Variants in PRKG1 observed in about 807,000 individuals in gnomAD.
PRKG1 encodes cGMP-dependent protein kinase 1.
PRKG1 carries 35 observed loss-of-function variants against 88.1 expected under a neutral mutation model. That is an observed-to-expected ratio of 0.40 (90% CI 0.30 to 0.53). PRKG1 has a LOEUF of 0.53. Among genes scored for constraint, PRKG1 ranks in the 20% least tolerant of loss-of-function variants. PRKG1 has a pLI of 0.59. For synonymous variants in PRKG1, 303 were observed against 292.5 expected, an observed-to-expected ratio of 1.04 and a Z score of -0.37; for missense variants, 540 against 839.8, an observed-to-expected ratio of 0.64 and a Z score of 4.41.
At chr10:51,991,302 A>T (rs1844300259) in intron 5 of PRKG1, among the ~76,000 whole-genome samples, 1 of 152,290 alleles carries the variant, frequency 6.6e-6, no homozygotes, top group Admixed American at 6.5e-5. Context: ...TAATTCCTCC[A>T]TTCCAATTTG....
rs541982644 is a variant in PRKG1, at chr10:52,208,124, GTCT to G, written c.1077-43444_1077-43442del. On this transcript the variant is annotated intron_variant, in intron 9 of 17. Transcript: ENST00000373980. ...TTGAAGCAATCTGTCTCCAGAATTT[GTCT>G]TTTTAACCCTAAGCACACTGTCTTG... 1.2e-4 allele frequency among the ~76,000 whole-genome samples: 18 copies of G among 152,262 alleles called. 1 individual carries two copies. The South Asian group carries it at 3.7e-3, about 32-fold the overall frequency.
intron 2 of PRKG1, among the ~76,000 whole-genome samples, chr10:51,180,828 T>C (rs766016040): frequency 1.4e-4 from 22 of 152,140 alleles, no homozygotes; most frequent in Admixed American, 1.2e-3. Flanking sequence ...AATGGAGAGA[T>C]TGGGGGAGAG....
chr10:51,628,028 TTC>T (rs1564579933), intron 3 of PRKG1, among the ~76,000 whole-genome samples: 3 of 138,800 alleles, frequency 2.2e-5, no homozygotes, highest in Non-Finnish European at 4.8e-5. Flanking sequence ...CTTTCTTTCT[TTC>T]TTTCTTTCCT....
At chr10:51,862,341 G>A (rs990694243) in intron 4 of PRKG1, among the ~76,000 whole-genome samples, 3 of 152,128 alleles carry the variant, frequency 2.0e-5, no homozygotes, top group Non-Finnish European at 4.4e-5. Context: ...GTGGGAGGGA[G>A]GGTTACAGTG....
chr10:51,346,946 G>C (rs1460971975), intron 2 of PRKG1, among the ~76,000 whole-genome samples: 1 of 152,064 alleles, frequency 6.6e-6, no homozygotes, highest in East Asian at 1.9e-4. Context: ...TTATTTTACA[G>C]ACATAGAATG....
intron 5 of PRKG1, among the ~76,000 whole-genome samples, chr10:51,994,237 T>A (rs189719996): frequency 1.3e-5 from 2 of 152,258 alleles, no homozygotes; most frequent in Non-Finnish European, 1.5e-5. Flanking sequence ...GTATAATTAA[T>A]TTGCATCAAC....
chr10:52,279,611 C>T (rs1841954294), intron 12 of PRKG1, among the ~76,000 whole-genome samples: 1 of 151,870 alleles, frequency 6.6e-6, no homozygotes, highest in Admixed American at 6.6e-5. Flanking sequence ...AAAATGTAAC[C>T]ATATTCCACT....
At chr10:51,133,158 G>A (rs1002130708) in intron 1 of PRKG1, among the ~76,000 whole-genome samples, 5 of 152,102 alleles carry the variant, frequency 3.3e-5, no homozygotes, top group African/African-American at 1.2e-4. Flanking sequence ...AAGTGCAAAT[G>A]TCTTCACTTA....
intron 2 of PRKG1, among the ~76,000 whole-genome samples, chr10:51,347,905 C>CA (rs35547161): frequency 4.6e-5 from 7 of 151,220 alleles, no homozygotes; most frequent in Non-Finnish European, 1.0e-4. Context: ...ACTAAAAATA[C>CA]AAAAAAAATT....
chr10:52,287,322 A>C (rs1320034928), intron 14 of PRKG1, among the ~76,000 whole-genome samples: 2 of 152,124 alleles, frequency 1.3e-5, no homozygotes. Flanking sequence ...TTGATAGGCA[A>C]TTACTAGCTA....
chr10:52,263,120 A>G (rs1169849485), intron 10 of PRKG1, among the ~76,000 whole-genome samples: 1 of 152,122 alleles, frequency 6.6e-6, no homozygotes, highest in Non-Finnish European at 1.5e-5. Flanking sequence ...TTTAAAAAAT[A>G]AGACTTTTAA....
rs914000053 is a variant in PRKG1, at chr10:52,296,878, A to T, written c.*2978A>T. 1.3e-5 allele frequency: 2 copies of T among 152,126 alleles called. No individual in the cohort carries two copies. The highest frequency in any genetic ancestry group is 1.3e-4 in the Admixed American group (2 of 15,260). The allele number at this position is 152,126 out of a possible 1,614,324, so 9.4% of individuals were successfully genotyped here. On this transcript the variant is annotated 3_prime_UTR_variant, in exon 18 of 18. Coordinates refer to ENST00000373980, the MANE Select transcript of PRKG1 (RefSeq NM_006258.4). ...TTCAAAACAAATTTATTTTGGTTAT[A>T]TTCTTTACAAGTCATAATTTTTACC...
intron 3 of PRKG1, among the ~76,000 whole-genome samples, chr10:51,549,345 C>T (rs1463517610): frequency 6.6e-6 from 1 of 151,378 alleles, no homozygotes; most frequent in African/African-American, 2.4e-5. Flanking sequence ...GGGATGGTCT[C>T]GATCTCCTGA....
intron 10 of PRKG1, among the ~76,000 whole-genome samples, chr10:52,268,685 G>A (rs746781712): frequency 6.6e-6 from 1 of 151,330 alleles, no homozygotes; most frequent in Non-Finnish European, 1.5e-5. Flanking sequence ...AAATAGCTTG[G>A]GCCAAAAAAA....
intron 4 of PRKG1, among the ~76,000 whole-genome samples, chr10:51,884,440 G>A (rs1359942507): frequency 2.7e-5 from 1 of 37,312 alleles, no homozygotes. Context: ...GTGAAACTCC[G>A]TCTCAAAAAA....
chr10:51,541,768 A>G (rs1842310138), intron 3 of PRKG1, among the ~76,000 whole-genome samples: 1 of 152,120 alleles, frequency 6.6e-6, no homozygotes, highest in African/African-American at 2.4e-5. Flanking sequence ...TGTAGAATAG[A>G]TTAGTCTTCA....
At chr10:51,994,589 TTGAC>T (rs1489382028) in intron 5 of PRKG1, among the ~76,000 whole-genome samples, 1 of 152,184 alleles carries the variant, frequency 6.6e-6, no homozygotes, top group Non-Finnish European at 1.5e-5. Flanking sequence ...ATAAACTTGT[TTGAC>T]TGAGAAAGAC....
chr10:52,160,776 G>T (rs148490124), intron 8 of PRKG1, among the ~76,000 whole-genome samples: 140 of 152,112 alleles, frequency 9.2e-4, no homozygotes, highest in African/African-American at 3.3e-3. Flanking sequence ...GTATTAAGCT[G>T]ACAGAGGATT....
intron 2 of PRKG1, among the ~76,000 whole-genome samples, chr10:51,389,945 T>C (rs1229375787): frequency 2.6e-5 from 4 of 152,164 alleles, no homozygotes; most frequent in Non-Finnish European, 5.9e-5. Context: ...GAAAAGTATG[T>C]TTATGGACCC....
Sources: gnomAD v4.1 joint callset for allele counts (sites outside exome capture counted in the v4.1 genomes callset) on GRCh38, gnomAD v4.1.1 for gene constraint, MANE v1.5 for transcripts, NCBI Gene and HGNC (gene_info 2026-07-23, HGNC 2026-07-21) for gene names.